Variants in RSF1 observed in about 807,000 individuals in gnomAD.
The protein encoded by RSF1 is remodeling and spacing factor 1.
Under a neutral mutation model 145.2 loss-of-function variants are expected in RSF1, and 13 were observed. The ratio of observed to expected loss-of-function variants is 0.09; its 90% CI spans 0.06 to 0.14. The LOEUF is 0.14. Among genes scored for constraint, RSF1 ranks in the 10% least tolerant of loss-of-function variants. RSF1 has a pLI of 1.00. For synonymous variants in RSF1, 577 were observed against 592.6 expected (o/e 0.97, Z 0.38); for missense variants, 1,517 against 1,718.2 (o/e 0.88, Z 2.07).
chr11:77,804,645 TG>T (rs1948659429), intron 1 of RSF1, among the ~76,000 whole-genome samples: 1 of 151,962 alleles, frequency 6.6e-6, no homozygotes, highest in African/African-American at 2.4e-5. Flanking sequence ...AAGACCAGCC[TG>T]GGAAACACAG....
rs117529741 is a variant in RSF1 at position 77,746,200 on chromosome 11, C to G, written c.372+836G>C. 3.0e-3 allele frequency among the ~76,000 whole-genome samples: 463 copies of G among 152,208 alleles called. 1 individual carries two copies. Among genetic ancestry groups the G allele is most frequent in the Non-Finnish European group, 4.9e-3 (332 of 68,002 alleles). ...TACCCCCTTGGGACCACAAGCTGGT[C>G]TAGAGACAGATGAACCTGCATGATT... On this transcript the variant is annotated intron_variant, in intron 3 of 15. Coordinates refer to ENST00000308488, the MANE Select transcript of RSF1 (RefSeq NM_016578.4).
chr11:77,852,460 A>AT, the RSF1 span, among the ~76,000 whole-genome samples: 1 of 152,030 alleles, frequency 6.6e-6, no homozygotes, highest in African/African-American at 2.4e-5. Flanking sequence ...TATGACAGTC[A>AT]CTTGCTGTTC....
chr11:77,776,157 G>A (rs1948339944), intron 1 of RSF1, among the ~76,000 whole-genome samples: 1 of 152,134 alleles, frequency 6.6e-6, no homozygotes, highest in South Asian at 2.1e-4. Flanking sequence ...CAAGGCTGTA[G>A]TGAGTGATTG....
chr11:77,672,119 C>G lies in RSF1; in HGVS notation c.3674G>C (p.Gly1225Ala). 1 of 1,614,126 alleles carries G rather than the reference C, an allele frequency of 6.2e-7. No individual in the cohort carries two copies. Among genetic ancestry groups the G allele is most frequent in the South Asian group, 1.1e-5 (1 of 91,060 alleles). ...ACCACGTCGCAAACTCTTCTGGGAA[C>G]CGTCACTTTCTGAGTCTTCTTTGTA... ...INYKEDSESD[G>A]SQKSLRRGKE... Residue 1225 changes from glycine to alanine, a missense_variant, in exon 15 of 16, where the codon GGT (glycine) becomes GCT (alanine). Physicochemically the swap from Gly to Ala is moderately conservative, Grantham distance 60. Transcript: ENST00000308488.
chr11:77,820,827 T>A, upstream of RSF1: 5 of 1,117,334 alleles, frequency 4.5e-6, no homozygotes, highest in Non-Finnish European at 6.2e-6. Context: ...TGGGCTCCTC[T>A]GCGGATCCCA....
At chr11:77,671,232 T>G (rs948894501) in intron 15 of RSF1, among the ~76,000 whole-genome samples, 4 of 129,072 alleles carry the variant, frequency 3.1e-5, no homozygotes, top group African/African-American at 1.1e-4. Context: ...ATAATTTAAG[T>G]AAAACAAAAA....
intron 5 of RSF1, among the ~76,000 whole-genome samples, chr11:77,720,560 T>C (rs1400175942): frequency 6.6e-6 from 1 of 152,206 alleles, no homozygotes; most frequent in Non-Finnish European, 1.5e-5. Context: ...TACCACAGTC[T>C]GAGAATAACA....
chr11:77,714,842 T>TAA (rs879594571), intron 5 of RSF1, among the ~76,000 whole-genome samples: 2 of 144,108 alleles, frequency 1.4e-5, no homozygotes, highest in African/African-American at 2.5e-5. Context: ...ACCTTGTCTT[T>TAA]AAAAAAAAAA....
At chr11:77,803,391 C>T (rs1211497095) in intron 1 of RSF1, among the ~76,000 whole-genome samples, 1 of 151,612 alleles carries the variant, frequency 6.6e-6, no homozygotes, top group African/African-American at 2.4e-5. Context: ...AAGCGATTCA[C>T]CCACCTCGGC....
At chr11:77,716,521 C>T (rs1960812999) in intron 5 of RSF1, among the ~76,000 whole-genome samples, 2 of 152,182 alleles carry the variant, frequency 1.3e-5, no homozygotes, top group Admixed American at 6.5e-5. Flanking sequence ...AAGTCAGGAA[C>T]AGAAACAAAT....
Position 77,678,096 on chromosome 11 carries a change from G to A in RSF1, c.3123C>T (p.Ala1041=), listed in dbSNP as rs768937922. Residue 1041 remains alanine (A), a synonymous_variant, in exon 12 of 16, where the codon GCC becomes GCT. Coordinates refer to ENST00000308488, the MANE Select transcript of RSF1 (RefSeq NM_016578.4). ...ACGACAAACACATACCTCCTCCATC[G>A]GCTTCTTTGATGTCATCTTCAATAG... ...DEAIEDDIKE[A]DGGGVGRGKD... The A allele has an allele frequency of 4.3e-6, 7 of 1,611,126 alleles. No homozygotes were observed. The highest frequency in any genetic ancestry group is 2.7e-5 in the African/African-American group (2 of 74,594).
chr11:77,763,390 TAC>T (rs921904145), intron 2 of RSF1: 14 of 148,768 alleles, frequency 9.4e-5, no homozygotes, highest in African/African-American at 3.5e-4. Flanking sequence ...ACTTACAATA[TAC>T]ACAAAAGACA....
chr11:77,790,430 G>A (rs1451263112), intron 1 of RSF1, among the ~76,000 whole-genome samples: 1 of 152,036 alleles, frequency 6.6e-6, no homozygotes, highest in Admixed American at 6.6e-5. Flanking sequence ...TCTGGGTGGG[G>A]ACACAGCCAA....
chr11:77,804,217 T>C (rs531708975), intron 1 of RSF1, among the ~76,000 whole-genome samples: 71 of 152,236 alleles, frequency 4.7e-4, no homozygotes, highest in Non-Finnish European at 9.1e-4. Context: ...CCTATGGGTC[T>C]TTTCATCTGG....
chr11:77,854,784 C>T, the RSF1 span, among the ~76,000 whole-genome samples: 1 of 152,224 alleles, frequency 6.6e-6, no homozygotes, highest in Admixed American at 6.5e-5. Flanking sequence ...CTCCATTAAC[C>T]ACTGTCCCAG....
At position 77,745,794 on chromosome 11, in the gene RSF1, G is replaced by A. The variant is rs924078312; in HGVS notation, c.372+1242C>T. Reference sequence around the variant, plus strand: ...GTCAGATTTCTTCCTATCTCTGCCCGGGCAGACAACACATTAAGTTACTTC... The same window carrying A: ...GTCAGATTTCTTCCTATCTCTGCCCAGGCAGACAACACATTAAGTTACTTC... On this transcript the variant is annotated intron_variant, in intron 3 of 15. Transcript: ENST00000308488. Among the ~76,000 whole-genome samples, 9 of 150,810 alleles carry A rather than the reference G, an allele frequency of 6.0e-5. No individual in the cohort carries two copies. In the East Asian group the frequency reaches 1.2e-3, roughly 20 times the overall value.
At chr11:77,841,235 T>A in the RSF1 span, 1 of 702,494 alleles carries the variant, frequency 1.4e-6, no homozygotes, top group Non-Finnish European at 2.6e-6. Context: ...GTCCCACCTC[T>A]TAATGTTGTT....
Position 77,676,960 on chromosome 11 carries a change from T to C in RSF1, c.3173A>G (p.His1058Arg), listed in dbSNP as rs776536365. ...AATAGTAGAGATGTCTTTCCCACGA[T>C]GACCTGTGATGGTGGAGATATCTTT... ...RGKDISTITG[H>R]RGKDISTILD... The change falls in exon 13 of 16, where the codon CAT (histidine) becomes CGT (arginine). Residue 1058 changes from histidine to arginine, a missense_variant. Around this residue, in one of 12 missense-constraint regions of RSF1, gnomAD observed 231 missense variants for 276.6 expected, o/e 0.84. Coordinates refer to ENST00000308488, the MANE Select transcript of RSF1 (RefSeq NM_016578.4). 3.9e-6 allele frequency: 6 copies of C among 1,525,166 alleles called. No homozygotes were observed. The highest frequency in any genetic ancestry group is 1.1e-5 in the South Asian group (1 of 89,750). 94.5% of individuals were successfully genotyped at this position (1,525,166 alleles called of 1,614,324 possible). A position where few individuals can be genotyped will look rare whatever the true frequency, so the allele number is the denominator to read the frequency against.
At chr11:77,760,778 A>G (rs1257559335) in intron 2 of RSF1, among the ~76,000 whole-genome samples, 1 of 152,162 alleles carries the variant, frequency 6.6e-6, no homozygotes, top group African/African-American at 2.4e-5. Flanking sequence ...AAGGCCATCT[A>G]TTGCCAAATT....
Sources: gnomAD v4.1 joint callset for allele counts (sites outside exome capture counted in the v4.1 genomes callset) on GRCh38, gnomAD v4.1.1 for gene constraint, gnomAD v4.1.1 regional missense constraint, MANE v1.5 for transcripts, NCBI Gene and HGNC (gene_info 2026-07-23, HGNC 2026-07-21) for gene names.